ITPK1: variants seen among roughly 807,000 people sequenced by gnomAD.
ITPK1 encodes the protein inositol-tetrakisphosphate 1-kinase.
A neutral mutation model predicts 45.3 loss-of-function variants in ITPK1; 21 were observed. That is an observed-to-expected ratio of 0.46 (90% confidence interval 0.33 to 0.67). The LOEUF is 0.67. Among genes scored for constraint, ITPK1 ranks in the 30% least tolerant of loss-of-function variants. The pLI is 0.02. For missense variants in ITPK1, 474 were observed against 573.5 expected, an observed-to-expected ratio of 0.83 and a Z score of 1.77; for synonymous variants, 258 against 253.6, an observed-to-expected ratio of 1.02 and a Z score of -0.16.
At chr14:93,110,185 A>T (rs778332990) in intron 2 of ITPK1, among the ~76,000 whole-genome samples, 19 of 152,078 alleles carry the variant, frequency 1.2e-4, no homozygotes, top group Non-Finnish European at 1.8e-4. Flanking sequence ...GTGCACACGG[A>T]CGCTTCCTCC....
At position 93,046,516 on chromosome 14, in the gene ITPK1, C is replaced by T. The variant is rs1457030649; in HGVS notation, c.121-29715G>A. 7.4e-5 allele frequency among the ~76,000 whole-genome samples: 11 copies of T among 149,480 alleles called. No individual in the cohort carries two copies. The South Asian group carries it at 1.5e-3, about 20-fold the overall frequency. ...ATTGGGCAGGACGCAATTTAGTGCTCAGACTTTCCTAAGTGCTCTGGGCTT... is the reference window on the plus strand; with the variant it reads ...ATTGGGCAGGACGCAATTTAGTGCTTAGACTTTCCTAAGTGCTCTGGGCTT... On this transcript the variant is annotated intron_variant, in intron 3 of 10. Transcript: ENST00000267615.
At chr14:92,976,344 C>A (rs919211965) in intron 5 of ITPK1, among the ~76,000 whole-genome samples, 34 of 152,316 alleles carry the variant, frequency 2.2e-4, no homozygotes, top group Admixed American at 1.4e-3. Context: ...AATATGGACT[C>A]TGGAAGCAAG....
At chr14:92,996,633 G>A (rs1887071419) in intron 4 of ITPK1, among the ~76,000 whole-genome samples, 1 of 151,938 alleles carries the variant, frequency 6.6e-6, no homozygotes, top group East Asian at 1.9e-4. Flanking sequence ...CAGTGCTCAG[G>A]GCATTATGTG....
chr14:92,989,243 T>G (rs1886654396), intron 5 of ITPK1, among the ~76,000 whole-genome samples: 1 of 152,110 alleles, frequency 6.6e-6, no homozygotes, highest in Non-Finnish European at 1.5e-5. Context: ...GGCAGAAGCA[T>G]TCAATCTGCG....
chr14:93,005,960 G>A (rs1393989783), intron 4 of ITPK1, among the ~76,000 whole-genome samples: 1 of 152,146 alleles, frequency 6.6e-6, no homozygotes, highest in Non-Finnish European at 1.5e-5. Flanking sequence ...ATTGTACAGG[G>A]GCTGTGCAGC....
At chr14:93,099,543 C>G (rs769395529) in intron 2 of ITPK1, among the ~76,000 whole-genome samples, 1 of 152,196 alleles carries the variant, frequency 6.6e-6, no homozygotes, top group Non-Finnish European at 1.5e-5. Context: ...GGACATCAGC[C>G]CTCCAGTATG....
rs191804250 is a variant in ITPK1, at chr14:92,972,232, T to C, written c.365-9383A>G. On this transcript the variant is annotated intron_variant, in intron 5 of 10. Transcript: ENST00000267615. The stretch of plus-strand genomic sequence containing the variant: ...CCTTCCTGTGATGGGCTGAGCGCTG[T>C]TTCCAAGTTGATATTGAAGCCCCAA... 6.3e-4 allele frequency among the ~76,000 whole-genome samples: 96 copies of C among 152,290 alleles called. 2 individuals are homozygous for C. In the East Asian group the frequency reaches 0.015, roughly 24 times the overall value.
intron 2 of ITPK1, among the ~76,000 whole-genome samples, chr14:93,098,179 G>C (rs1169064669): frequency 6.6e-6 from 1 of 151,958 alleles, no homozygotes; most frequent in South Asian, 2.1e-4. Flanking sequence ...ATTAATGGCC[G>C]GGTGCGGTGG....
chr14:93,084,585 T>C (rs1025869814), intron 2 of ITPK1, among the ~76,000 whole-genome samples: 15 of 152,272 alleles, frequency 9.9e-5, no homozygotes, highest in Admixed American at 9.1e-4. Flanking sequence ...ACACTACTTG[T>C]CACTGCAGCC....
intron 2 of ITPK1, among the ~76,000 whole-genome samples, chr14:93,112,156 GA>G (rs1307871836): frequency 1.3e-5 from 2 of 152,140 alleles, no homozygotes; most frequent in Non-Finnish European, 2.9e-5. Flanking sequence ...GATAATGAGG[GA>G]GACTGCCTTA....
intron 2 of ITPK1, among the ~76,000 whole-genome samples, chr14:93,111,359 C>T (rs1220882722): frequency 1.3e-5 from 2 of 152,076 alleles, no homozygotes; most frequent in Non-Finnish European, 2.9e-5. Flanking sequence ...ATTAATATCA[C>T]CCAGTATTTC....
chr14:92,951,808 C>T, intron 9 of ITPK1, 138 bp downstream of exon 9: 1 of 671,930 alleles, frequency 1.5e-6, no homozygotes, highest in Non-Finnish European at 2.6e-6. Flanking sequence ...CCTCCTGGGG[C>T]CTGTGGCATG....
rs1889236949 is a variant in ITPK1, at chr14:93,034,626, G to A, written c.121-17825C>T. Reference sequence around the variant, plus strand: ...GGGACCTCCCACATCCTGCATGAAGGTGGGGACTCAGTGAAAGCCTATGGC... The same window carrying A: ...GGGACCTCCCACATCCTGCATGAAGATGGGGACTCAGTGAAAGCCTATGGC... On this transcript the variant is annotated intron_variant, in intron 3 of 10. Coordinates refer to ENST00000267615, the MANE Select transcript of ITPK1 (RefSeq NM_014216.6). This position sits in a 1 kb window ranked among gnomAD's most constrained non-coding sequence, Gnocchi z 4.1. Among the ~76,000 whole-genome samples the A allele has an allele frequency of 1.3e-5, 2 of 152,240 alleles. 1 individual carries two copies. The highest frequency in any genetic ancestry group is 3.9e-4 in the East Asian group (2 of 5,184).
intron 4 of ITPK1, among the ~76,000 whole-genome samples, chr14:93,010,852 C>T (rs1177332356): frequency 6.6e-6 from 1 of 152,126 alleles, no homozygotes; most frequent in Non-Finnish European, 1.5e-5. Flanking sequence ...CTTACACACA[C>T]GTGCACCACT....
chr14:93,080,173 G>A (rs1209584825), intron 2 of ITPK1, among the ~76,000 whole-genome samples: 1 of 152,204 alleles, frequency 6.6e-6, no homozygotes, highest in Non-Finnish European at 1.5e-5. Context: ...ATAATTATCT[G>A]TGTTAAGAAC....
Position 93,012,274 on chromosome 14 carries a change from A to C in ITPK1, c.246+4402T>G, listed in dbSNP as rs1283447014. ...CTGATAAAGAATTACGAACTTCCGA[A>C]GGGCATGAAGGAAAAGTGCAAAGTT... On this transcript the variant is annotated intron_variant, in intron 4 of 10. Coordinates refer to ENST00000267615, the MANE Select transcript of ITPK1 (RefSeq NM_014216.6). The surrounding 1 kb of genome is among the most constrained non-coding windows in gnomAD (Gnocchi z 4.9). Among the ~76,000 whole-genome samples, 1 of 152,234 alleles carries C rather than the reference A, an allele frequency of 6.6e-6. No homozygotes were observed. The highest frequency in any genetic ancestry group is 1.5e-5 in the Non-Finnish European group (1 of 68,036).
chr14:93,005,044 C>A (rs1419176810), intron 4 of ITPK1, among the ~76,000 whole-genome samples: 2 of 152,046 alleles, frequency 1.3e-5, no homozygotes, highest in Non-Finnish European at 2.9e-5. Context: ...TTGGACTTGA[C>A]CCTAAAGCAA....
chr14:93,101,386 TA>T (rs956511046), intron 2 of ITPK1, among the ~76,000 whole-genome samples: 1 of 152,146 alleles, frequency 6.6e-6, no homozygotes, highest in African/African-American at 2.4e-5. Context: ...CACAGGTGAG[TA>T]AGGGGCCACT....
chr14:93,010,720 T>G (rs957538924), intron 4 of ITPK1, among the ~76,000 whole-genome samples: 1 of 152,246 alleles, frequency 6.6e-6, no homozygotes, highest in African/African-American at 2.4e-5. Context: ...CTACTGTCAC[T>G]GTAATAATAA....
Sources: allele counts gnomAD v4.1 joint callset (sites outside exome capture counted in the v4.1 genomes callset), GRCh38; gene constraint gnomAD v4.1.1; non-coding constraint Gnocchi (gnomAD v3.1); transcripts MANE v1.5; gene names NCBI Gene and HGNC (gene_info 2026-07-23, HGNC 2026-07-21).